The following NETO1 variants were observed in gnomAD, a reference collection of about 807,000 sequenced individuals.
NETO1 encodes the protein neuropilin and tolloid like 1.
NETO1 carries 26 observed loss-of-function variants against 61.3 expected under a neutral mutation model. The ratio of observed to expected loss-of-function variants is 0.42; its 90% CI spans 0.31 to 0.59. NETO1 has a LOEUF of 0.59. Among genes scored for constraint, NETO1 ranks in the 20% least tolerant of loss-of-function variants. The pLI is 0.12. For synonymous variants in NETO1, 225 were observed against 225.8 expected (o/e 1.00, Z 0.03); for missense variants, 531 against 662.8 (o/e 0.80, Z 2.18).
At chr18:72,805,272 G>A (rs1001333567) in intron 4 of NETO1, among the ~76,000 whole-genome samples, 3 of 152,068 alleles carry the variant, frequency 2.0e-5, no homozygotes, top group African/African-American at 7.2e-5. Context: ...TAATCTTCAA[G>A]AATTTTCCTA....
intron 6 of NETO1, among the ~76,000 whole-genome samples, chr18:72,790,030 T>C (rs1164379712): frequency 6.6e-6 from 1 of 152,194 alleles, no homozygotes; most frequent in Non-Finnish European, 1.5e-5. Flanking sequence ...TTGTCAAGTG[T>C]TTATATTTTT....
intron 3 of NETO1, 110 bp downstream of exon 3, chr18:72,864,698 G>A (rs1249528737): frequency 7.3e-7 from 1 of 1,373,966 alleles, no homozygotes; most frequent in African/African-American, 1.5e-5. Flanking sequence ...TTTTGCGCAT[G>A]ATCTCCAGAT....
intron 7 of NETO1, among the ~76,000 whole-genome samples, chr18:72,762,901 GATAAA>G (rs1268878865): frequency 9.2e-5 from 14 of 152,254 alleles, no homozygotes; most frequent in African/African-American, 2.9e-4. Context: ...TGTAGGAGAA[GATAAA>G]ATAAAGCCAC....
At chr18:72,764,977 G>A (rs2071105264) in intron 7 of NETO1, among the ~76,000 whole-genome samples, 1 of 152,106 alleles carries the variant, frequency 6.6e-6, no homozygotes, top group Non-Finnish European at 1.5e-5. Flanking sequence ...TTCACTGACA[G>A]CAATCTTACA....
intron 4 of NETO1, among the ~76,000 whole-genome samples, chr18:72,801,460 T>C (rs2072505041): frequency 6.6e-6 from 1 of 152,178 alleles, no homozygotes; most frequent in African/African-American, 2.4e-5. Context: ...TACATGACAA[T>C]GGCACACTAC....
rs552515868 is a variant in NETO1 at position 72,787,963 on chromosome 18, A to C, written c.640-4057T>G. On this transcript the variant is annotated intron_variant, in intron 6 of 10. Transcript: ENST00000327305. ...AAAAGATGTTGACTATCAAGTTATA[A>C]ATAAAATTTATAGAAAATAAACGTG... Among the ~76,000 whole-genome samples the C allele has an allele frequency of 7.2e-5, 11 of 152,346 alleles. No homozygotes were observed. In the South Asian group the frequency reaches 2.3e-3, roughly 32 times the overall value.
chr18:72,866,157 A>AT (rs1175787440), intron 1 of NETO1, among the ~76,000 whole-genome samples: 1 of 152,078 alleles, frequency 6.6e-6, no homozygotes, highest in Non-Finnish European at 1.5e-5. Flanking sequence ...TTTCTTATTC[A>AT]TTTTGTCATC....
chr18:72,799,130 A>C (rs960865657), intron 4 of NETO1, among the ~76,000 whole-genome samples: 1 of 152,218 alleles, frequency 6.6e-6, no homozygotes, highest in Non-Finnish European at 1.5e-5. Context: ...TGAAAAGTTG[A>C]TCCTGCCTGC....
In NETO1 at chr18:72,823,265, T is replaced by G. The variant is rs148032275; in HGVS notation, c.470-28861A>C. 2.9e-3 allele frequency among the ~76,000 whole-genome samples: 441 copies of G among 152,246 alleles called. 1 individual carries two copies. Among genetic ancestry groups the G allele is most frequent in the African/African-American group, 0.01 (434 of 41,520 alleles). ...TCTGGTAGTGAGAGACAATATGAAG[T>G]GTCATGCAGTGATAAGCAATGAGTG... On this transcript the variant is annotated intron_variant, in intron 4 of 10. Coordinates refer to ENST00000327305, the MANE Select transcript of NETO1 (RefSeq NM_138966.5).
chr18:72,775,386 T>C (rs940746775), intron 7 of NETO1, among the ~76,000 whole-genome samples: 1 of 152,206 alleles, frequency 6.6e-6, no homozygotes, highest in African/African-American at 2.4e-5. Flanking sequence ...CCTTTTCCTA[T>C]AATTTATTCA....
chr18:72,824,981 T>A (rs1236008568), intron 4 of NETO1, among the ~76,000 whole-genome samples: 1 of 152,206 alleles, frequency 6.6e-6, no homozygotes, highest in African/African-American at 2.4e-5. Flanking sequence ...AGTTATTAAC[T>A]ATTCTTGTAG....
chr18:72,861,815 C>T (rs910960360), intron 3 of NETO1, among the ~76,000 whole-genome samples: 14 of 152,196 alleles, frequency 9.2e-5, no homozygotes, highest in African/African-American at 2.9e-4. Context: ...TATGTGCAAT[C>T]TGCCCCTTTA....
intron 4 of NETO1, among the ~76,000 whole-genome samples, chr18:72,809,908 T>C (rs75434251): frequency 0.01 from 1,587 of 152,350 alleles, 21 homozygotes; most frequent in Non-Finnish European, 0.017. Flanking sequence ...CTTTAATATA[T>C]AGCATCATAT....
In NETO1 at chr18:72,809,543, G is replaced by A. The variant is rs181100667; in HGVS notation, c.470-15139C>T. ...ATATGGATTTGCTAAAGTATAAAAT[G>A]TTATGTAAAAATAAATTATCCCATG... On this transcript the variant is annotated intron_variant, in intron 4 of 10. Transcript: ENST00000327305. Among the ~76,000 whole-genome samples the A allele has an allele frequency of 4.5e-4, 69 of 152,220 alleles. 1 individual carries two copies. The highest frequency in any genetic ancestry group is 4.4e-3 in the Admixed American group (68 of 15,282).
At chr18:72,808,109 T>G (rs914446244) in intron 4 of NETO1, among the ~76,000 whole-genome samples, 3 of 152,222 alleles carry the variant, frequency 2.0e-5, no homozygotes, top group Non-Finnish European at 4.4e-5. Flanking sequence ...CCACATTCAC[T>G]GTTTTCCCAC....
chr18:72,791,203 T>C (rs2072104602), intron 6 of NETO1, among the ~76,000 whole-genome samples: 2 of 152,302 alleles, frequency 1.3e-5, no homozygotes, highest in Non-Finnish European at 2.9e-5. Flanking sequence ...TCAGATATTA[T>C]ATTTTCTATT....
intron 4 of NETO1, among the ~76,000 whole-genome samples, chr18:72,842,870 G>A (rs528597245): frequency 5.9e-5 from 9 of 152,250 alleles, no homozygotes; most frequent in East Asian, 3.9e-4. Context: ...GAAACAATGC[G>A]TACAAAGTGC....
At chr18:72,749,807 T>C (rs185832312) in intron 9 of NETO1, among the ~76,000 whole-genome samples, 18,724 of 152,042 alleles carry the variant, frequency 0.12, 1,285 homozygotes, top group Middle Eastern at 0.19. Flanking sequence ...TGTATATGTT[T>C]AGAAATAAAT....
intron 4 of NETO1, among the ~76,000 whole-genome samples, chr18:72,833,875 A>G (rs943063017): frequency 3.3e-5 from 5 of 152,192 alleles, no homozygotes; most frequent in African/African-American, 1.2e-4. Flanking sequence ...ATCCCCATAC[A>G]AAACATTATT....
Sources: gnomAD v4.1 joint callset for allele counts (sites outside exome capture counted in the v4.1 genomes callset) on GRCh38, gnomAD v4.1.1 for gene constraint, MANE v1.5 for transcripts, NCBI Gene and HGNC (gene_info 2026-07-23, HGNC 2026-07-21) for gene names.